Variants in KYNU observed in about 807,000 individuals in gnomAD.
The protein encoded by KYNU is L-kynurenine hydrolase.
KYNU carries 54 observed loss-of-function variants against 59.2 expected under a neutral mutation model. That is an observed-to-expected ratio of 0.91 (90% CI 0.73 to 1.14). The LOEUF (loss-of-function observed/expected upper bound fraction) is 1.14, where lower values mean the gene tolerates loss of function less well. KYNU is among the 50% of genes most tolerant of loss of function. The pLI, the probability that KYNU is intolerant of heterozygous loss-of-function variation, is 0.00. For synonymous variants in KYNU, 177 were observed against 192.0 expected, an observed-to-expected ratio of 0.92 and a Z score of 0.65; for missense variants, 567 against 554.4, an observed-to-expected ratio of 1.02 and a Z score of -0.23.
chr2:143,006,064 G>A (rs542989736), intron 10 of KYNU, among the ~76,000 whole-genome samples: 4 of 152,260 alleles, frequency 2.6e-5, no homozygotes, highest in South Asian at 2.1e-4. Flanking sequence ...CAAGATGGCC[G>A]AATAGGAACA....
intron 12 of KYNU, among the ~76,000 whole-genome samples, chr2:143,035,262 CT>C (rs892008327): frequency 6.6e-6 from 1 of 152,138 alleles, no homozygotes; most frequent in Admixed American, 6.5e-5. Flanking sequence ...ACTTAAAACC[CT>C]AAAAGCCACA....
intron 10 of KYNU, among the ~76,000 whole-genome samples, chr2:143,001,034 C>G (rs947128852): frequency 6.6e-6 from 1 of 152,188 alleles, no homozygotes; most frequent in Non-Finnish European, 1.5e-5. Flanking sequence ...AGCACTTTGT[C>G]TTCCTTAAGT....
chr2:142,936,270 C>T (rs1465339073), intron 4 of KYNU, among the ~76,000 whole-genome samples: 2 of 152,044 alleles, frequency 1.3e-5, no homozygotes, highest in Non-Finnish European at 2.9e-5. Context: ...TGCTTAAGTT[C>T]GTTAAAATTA....
rs1016443288 is a variant in KYNU at position 143,043,479 on chromosome 2, C to T, written c.*1307C>T. ...AATAAACAAACTTAGATAAACACTTCGGATGGTAGACGTAAACAATAATAT... is the reference window on the plus strand; with the variant it reads ...AATAAACAAACTTAGATAAACACTTTGGATGGTAGACGTAAACAATAATAT... On this transcript the variant is annotated 3_prime_UTR_variant, in exon 14 of 14. Transcript: ENST00000264170. 2 of 151,838 alleles carry T rather than the reference C, an allele frequency of 1.3e-5. No homozygotes were observed. Among genetic ancestry groups the T allele is most frequent in the East Asian group, 1.9e-4 (1 of 5,188 alleles). The allele number at this position is 151,838 out of a possible 1,614,324, so 9.4% of individuals were successfully genotyped here. A position where few individuals can be genotyped will look rare whatever the true frequency, so the allele number is the denominator to read the frequency against.
At chr2:143,007,856 C>T (rs1303589890) in intron 10 of KYNU, among the ~76,000 whole-genome samples, 1 of 116,056 alleles carries the variant, frequency 8.6e-6, no homozygotes, top group South Asian at 3.1e-4. Flanking sequence ...CAAGCAAATG[C>T]TGAGAGATTT....
At chr2:143,021,121 T>C (rs1219530043) in intron 10 of KYNU, among the ~76,000 whole-genome samples, 1 of 152,180 alleles carries the variant, frequency 6.6e-6, no homozygotes, top group African/African-American at 2.4e-5. Context: ...TTGGCCATTT[T>C]TCTTAGATTT....
chr2:142,963,670 C>A (rs1352649123), intron 8 of KYNU, among the ~76,000 whole-genome samples: 2 of 152,152 alleles, frequency 1.3e-5, no homozygotes, highest in Non-Finnish European at 2.9e-5. Context: ...TCTGGGGAGA[C>A]CAACATTTAG....
chr2:142,912,703 C>CTTTTTTTTTTTT (rs1163302368), intron 2 of KYNU, among the ~76,000 whole-genome samples: 2 of 71,836 alleles, frequency 2.8e-5, no homozygotes, highest in Non-Finnish European at 4.8e-5. Context: ...TTCTTTCTTC[C>CTTTTTTTTTTTT]TTTTTTTTTT....
In KYNU at chr2:143,040,655, G is replaced by T. The variant is rs1221379193; in HGVS notation, c.1269G>T (p.Val423=). Residue 423 remains valine, a synonymous_variant, in exon 13 of 14, where the codon GTG becomes GTT. Coordinates refer to ENST00000264170, the MANE Select transcript of KYNU (RefSeq NM_003937.3). The part of the protein sequence containing the change: ...DVFQELEKRG[V]VCDKRNPNGI... Reference sequence around the variant, plus strand: ...TCCAAGAACTAGAAAAAAGAGGAGTGGTTGTAAGTATGTCTTGCTTTGCTA... The same window carrying T: ...TCCAAGAACTAGAAAAAAGAGGAGTTGTTGTAAGTATGTCTTGCTTTGCTA... The T allele has an allele frequency of 2.5e-6, 4 of 1,593,898 alleles. No individual in the cohort carries two copies. Among genetic ancestry groups the T allele is most frequent in the East Asian group, 2.2e-5 (1 of 44,580 alleles).
Position 143,040,541 on chromosome 2 carries a change from A to C in KYNU, c.1155A>C (p.Lys385Asn). Reference protein sequence around the residue: ...NYGKDKAATKKPVVNIITPSH... With the variant: ...NYGKDKAATKNPVVNIITPSH... ...GCAAAGATAAAGCAGCAACCAAGAA[A>C]CCAGTTGTGAACATAATTACTCCGT... is the stretch of plus-strand genomic sequence containing the variant. Residue 385 changes from lysine to asparagine, a missense_variant, in exon 13 of 14, where the codon AAA becomes AAC. Transcript: ENST00000264170. 1 of 1,613,228 alleles carries C rather than the reference A, an allele frequency of 6.2e-7. No individual in the cohort carries two copies. Among genetic ancestry groups the C allele is most frequent in the African/African-American group, 1.3e-5 (1 of 75,012 alleles).
intron 4 of KYNU, among the ~76,000 whole-genome samples, chr2:142,949,570 T>C (rs552507531): frequency 7.4e-4 from 113 of 152,348 alleles, no homozygotes; most frequent in African/African-American, 2.6e-3. Context: ...GACTGAGCTG[T>C]ACCTTGGCCC....
intron 8 of KYNU, among the ~76,000 whole-genome samples, chr2:142,984,435 A>G (rs1685140474): frequency 6.6e-6 from 1 of 152,028 alleles, no homozygotes; most frequent in African/African-American, 2.4e-5. Context: ...TCCATTTTCA[A>G]AAGAATATCT....
intron 2 of KYNU, among the ~76,000 whole-genome samples, chr2:142,898,848 C>T (rs541319225): frequency 8.5e-5 from 13 of 152,226 alleles, no homozygotes; most frequent in African/African-American, 1.9e-4. Context: ...CTGTGGGTCA[C>T]GGAAGAAAAC....
At chr2:142,906,009 C>G (rs1209619865) in intron 2 of KYNU, among the ~76,000 whole-genome samples, 2 of 152,050 alleles carry the variant, frequency 1.3e-5, no homozygotes, top group Non-Finnish European at 2.9e-5. Context: ...CTGTCTCTCT[C>G]TCTCTCCTCT....
At position 142,923,002 on chromosome 2, in the gene KYNU, G is replaced by A. The variant is rs80020546; in HGVS notation, c.290+4273G>A. ...ATGGTGCTTCTTGCTGTAACCTCATGTGGCAGAAGAGGCAAACACCTGCCT... is the reference window on the plus strand; with the variant it reads ...ATGGTGCTTCTTGCTGTAACCTCATATGGCAGAAGAGGCAAACACCTGCCT... On this transcript the variant is annotated intron_variant, in intron 3 of 13. Coordinates refer to ENST00000264170, the MANE Select transcript of KYNU (RefSeq NM_003937.3). Among the ~76,000 whole-genome samples the A allele has an allele frequency of 4.7e-4, 72 of 152,318 alleles. 3 individuals carry two copies. In the East Asian group the frequency reaches 0.014, roughly 29 times the overall value.
chr2:143,010,494 A>C (rs1198407792), intron 10 of KYNU, among the ~76,000 whole-genome samples: 2 of 123,754 alleles, frequency 1.6e-5, no homozygotes, highest in African/African-American at 7.2e-5. Context: ...GCCCAAGGTA[A>C]TTTACAGATT....
At chr2:142,945,954 T>C (rs969285267) in intron 4 of KYNU, among the ~76,000 whole-genome samples, 14 of 152,078 alleles carry the variant, frequency 9.2e-5, no homozygotes, top group African/African-American at 3.1e-4. Context: ...ACCAGGCTGG[T>C]CCCGAACTCC....
chr2:142,947,993 C>A (rs1157319782), intron 4 of KYNU: 1 of 152,056 alleles, frequency 6.6e-6, no homozygotes, highest in Non-Finnish European at 1.5e-5. Flanking sequence ...AGAGTAGTTG[C>A]CTCTATTTTC....
rs575276194 is a variant in KYNU, at chr2:142,890,135, AAG to A, written c.169+4611_169+4612del. ...AAATAAACAAGCAAAAGAAAGGAGG[AAG>A]AGAGAGAGAGAAGGAAAGAAAAGAA... On this transcript the variant is annotated intron_variant, in intron 2 of 13. Coordinates refer to ENST00000264170, the MANE Select transcript of KYNU (RefSeq NM_003937.3). Among the ~76,000 whole-genome samples the A allele has an allele frequency of 3.8e-3, 573 of 151,760 alleles. 2 individuals carry two copies. The highest frequency in any genetic ancestry group is 0.012 in the African/African-American group (507 of 41,434).
Sources: gnomAD v4.1 joint callset for allele counts (sites outside exome capture counted in the v4.1 genomes callset) on GRCh38, gnomAD v4.1.1 for gene constraint, MANE v1.5 for transcripts, NCBI Gene and HGNC (gene_info 2026-07-23, HGNC 2026-07-21) for gene names.